Variants in ZBTB8A observed in about 807,000 individuals in gnomAD.
ZBTB8A encodes zinc finger and BTB domain containing 8A, also known as zinc finger and BTB domain-containing protein 8A.
A neutral mutation model predicts 37.8 loss-of-function variants in ZBTB8A; 19 were observed. The ratio of observed to expected loss-of-function variants is 0.50; its 90% CI spans 0.35 to 0.74. The LOEUF (loss-of-function observed/expected upper bound fraction) is 0.74, where lower values mean the gene tolerates loss of function less well. Among genes scored for constraint, ZBTB8A ranks in the 30% least tolerant of loss-of-function variants. The probability of loss-of-function intolerance (pLI) is 0.01; values close to 1 mark genes in which losing one functional copy is unlikely to be tolerated. For missense variants in ZBTB8A, 394 were observed against 537.8 expected (o/e 0.73, Z 2.65); for synonymous variants, 181 against 185.2 (o/e 0.98, Z 0.19).
intron 2 of ZBTB8A, among the ~76,000 whole-genome samples, chr1:32,572,771 A>G (rs1307700185): frequency 6.6e-6 from 1 of 152,158 alleles, no homozygotes; most frequent in Non-Finnish European, 1.5e-5. Context: ...ATGTATTAGC[A>G]TAGAGTTCAT....
intron 3 of ZBTB8A, 145 bp from the exon 4 acceptor site, chr1:32,594,909 C>T: frequency 2.3e-6 from 2 of 858,284 alleles, no homozygotes; most frequent in Non-Finnish European, 3.3e-6. Flanking sequence ...TTTGGGCTAA[C>T]CAACTCCTTG....
At chr1:32,579,319 C>G (rs1447462870) in intron 2 of ZBTB8A, among the ~76,000 whole-genome samples, 3 of 151,932 alleles carry the variant, frequency 2.0e-5, no homozygotes, top group Admixed American at 2.0e-4. Context: ...GGCATGGTGG[C>G]AGACGCCTGT....
intron 2 of ZBTB8A, among the ~76,000 whole-genome samples, chr1:32,555,333 G>A (rs1457301023): frequency 6.6e-6 from 1 of 152,080 alleles, no homozygotes; most frequent in East Asian, 1.9e-4. Flanking sequence ...AGCTTGCAGT[G>A]AGCTGAGACG....
chr1:32,541,497 C>A (rs1252975008), intron 1 of ZBTB8A, among the ~76,000 whole-genome samples: 1 of 152,162 alleles, frequency 6.6e-6, no homozygotes, highest in Non-Finnish European at 1.5e-5. Context: ...AGTTTTGATT[C>A]TCTTAAGTGT....
intron 2 of ZBTB8A, among the ~76,000 whole-genome samples, chr1:32,563,965 G>A (rs1644262139): frequency 6.6e-6 from 1 of 152,146 alleles, no homozygotes; most frequent in African/African-American, 2.4e-5. Context: ...TACCAGAGCT[G>A]TATTTTGACA....
chr1:32,604,842 G>T lies in ZBTB8A; in HGVS notation c.*4423G>T, dbSNP rs1398991067. 2.0e-5 allele frequency: 3 copies of T among 151,966 alleles called. No individual in the cohort carries two copies. Among genetic ancestry groups the T allele is most frequent in the Non-Finnish European group, 4.4e-5 (3 of 67,994 alleles). The allele number at this position is 151,966 out of a possible 1,614,324, so 9.4% of individuals were successfully genotyped here. Reference sequence around the variant, plus strand: ...TAATAAGTATGGAAAATCACTAAAAGCAGTGTAGGATAAGGTGTGTTTAAC... The same window carrying T: ...TAATAAGTATGGAAAATCACTAAAATCAGTGTAGGATAAGGTGTGTTTAAC... On this transcript the variant is annotated 3_prime_UTR_variant, in exon 5 of 5. Coordinates refer to ENST00000373510, the MANE Select transcript of ZBTB8A (RefSeq NM_001040441.3).
At chr1:32,550,840 C>T (rs2148216511) in intron 1 of ZBTB8A, among the ~76,000 whole-genome samples, 1 of 151,408 alleles carries the variant, frequency 6.6e-6, no homozygotes, top group African/African-American at 2.4e-5. Context: ...TCCTGCAGTC[C>T]CAGCTACTTG....
intron 4 of ZBTB8A, among the ~76,000 whole-genome samples, chr1:32,597,320 G>A (rs1339871963): frequency 6.6e-6 from 1 of 152,118 alleles, no homozygotes; most frequent in Non-Finnish European, 1.5e-5. Context: ...ATATCATATG[G>A]TCTCAGGAAT....
At chr1:32,597,266 A>T (rs1487126295) in intron 4 of ZBTB8A, among the ~76,000 whole-genome samples, 1 of 152,138 alleles carries the variant, frequency 6.6e-6, no homozygotes, top group African/African-American at 2.4e-5. Flanking sequence ...AAGTACTGGG[A>T]TTACAGGCGT....
At chr1:32,563,332 G>A (rs1449680622) in intron 2 of ZBTB8A, among the ~76,000 whole-genome samples, 1 of 152,132 alleles carries the variant, frequency 6.6e-6, no homozygotes, top group African/African-American at 2.4e-5. Context: ...AGGAGTTTGA[G>A]GTTGCAGTGA....
At position 32,595,049 on chromosome 1, in the gene ZBTB8A, GA is replaced by G; in HGVS notation, c.824-4del. ...CAGTGATTTAATCAAAGCGTCTCTTGACAGATGATCTGCCTCGGATGCGATT... is the reference window on the plus strand; with the variant it reads ...CAGTGATTTAATCAAAGCGTCTCTTGCAGATGATCTGCCTCGGATGCGATT... On this transcript the variant is annotated splice_region_variant and splice_polypyrimidine_tract_variant and intron_variant, in intron 3 of 4. Coordinates refer to ENST00000373510, the MANE Select transcript of ZBTB8A (RefSeq NM_001040441.3). 2 of 1,612,116 alleles carry G rather than the reference GA, an allele frequency of 1.2e-6. No homozygotes were observed. The highest frequency in any genetic ancestry group is 8.5e-7 in the Non-Finnish European group (1 of 1,179,070).
intron 2 of ZBTB8A, among the ~76,000 whole-genome samples, chr1:32,589,744 G>T (rs150549177): frequency 2.0e-5 from 3 of 151,318 alleles, no homozygotes; most frequent in East Asian, 3.9e-4. Context: ...TAGAGACGGG[G>T]TTTCACCATG....
intron 2 of ZBTB8A, among the ~76,000 whole-genome samples, chr1:32,557,468 T>G (rs1644211813): frequency 6.6e-6 from 1 of 152,152 alleles, no homozygotes; most frequent in Non-Finnish European, 1.5e-5. Context: ...AACATTTAAT[T>G]TAAATAAAAT....
chr1:32,576,577 C>T (rs1326843758), intron 2 of ZBTB8A, among the ~76,000 whole-genome samples: 3 of 152,140 alleles, frequency 2.0e-5, no homozygotes, highest in Non-Finnish European at 4.4e-5. Context: ...TACAGGTGCC[C>T]ACCACCATGC....
At chr1:32,546,855 C>T (rs1349303696) in intron 1 of ZBTB8A, among the ~76,000 whole-genome samples, 1 of 152,146 alleles carries the variant, frequency 6.6e-6, no homozygotes, top group African/African-American at 2.4e-5. Flanking sequence ...CGCTGTTGGA[C>T]TAGGTCCAAC....
At chr1:32,584,599 G>A (rs1384796256) in intron 2 of ZBTB8A, among the ~76,000 whole-genome samples, 1 of 148,728 alleles carries the variant, frequency 6.7e-6, no homozygotes. Context: ...GCAGCCTTGA[G>A]CTCCTGGGCT....
intron 2 of ZBTB8A, among the ~76,000 whole-genome samples, chr1:32,581,792 A>G (rs548411701): frequency 6.6e-6 from 1 of 152,128 alleles, no homozygotes; most frequent in Non-Finnish European, 1.5e-5. Flanking sequence ...GAAACTTACA[A>G]TCATGGCAGA....
chr1:32,551,022 T>TA (rs1644151356), intron 1 of ZBTB8A, among the ~76,000 whole-genome samples: 1 of 151,014 alleles, frequency 6.6e-6, no homozygotes, highest in Non-Finnish European at 1.5e-5. Context: ...CAGTAGTTAA[T>TA]ATGCCCTTAA....
Position 32,603,231 on chromosome 1 carries a change from G to A in ZBTB8A, c.*2812G>A, listed in dbSNP as rs1644590636. 1 of 152,464 alleles carries A rather than the reference G, an allele frequency of 6.6e-6. No homozygotes were observed. The highest frequency in any genetic ancestry group is 2.4e-5 in the African/African-American group (1 of 41,456). The allele number at this position is 152,464 out of a possible 1,614,324, so 9.4% of individuals were successfully genotyped here. On this transcript the variant is annotated 3_prime_UTR_variant, in exon 5 of 5. Coordinates refer to ENST00000373510, the MANE Select transcript of ZBTB8A (RefSeq NM_001040441.3). ...CACAACCTCTGCCTCCCGGGTTCAA[G>A]CGATTCTCCTGCCTCAGCCTCCTGA... is the stretch of plus-strand genomic sequence containing the variant.
Sources: gnomAD v4.1 joint callset for allele counts (sites outside exome capture counted in the v4.1 genomes callset) on GRCh38, gnomAD v4.1.1 for gene constraint, MANE v1.5 for transcripts, NCBI Gene and HGNC (gene_info 2026-07-23, HGNC 2026-07-21) for gene names.